Variants in NRXN3 observed in about 807,000 individuals in gnomAD.
NRXN3 encodes neurexin 3.
In NRXN3, 32 loss-of-function variants were observed where a neutral mutation model predicts 137.6. The ratio of observed to expected loss-of-function variants is 0.23; its 90% confidence interval spans 0.18 to 0.31. The LOEUF (loss-of-function observed/expected upper bound fraction) is 0.31, where lower values mean the gene tolerates loss of function less well. Among genes scored for constraint, NRXN3 ranks in the 10% least tolerant of loss-of-function variants. NRXN3 has a pLI of 1.00. For synonymous variants in NRXN3, 798 were observed against 784.5 expected (o/e 1.02, Z -0.29); for missense variants, 1,574 against 2,062.5 (o/e 0.76, Z 4.59).
At chr14:78,471,581 C>T (rs1172862602) in intron 4 of NRXN3, among the ~76,000 whole-genome samples, 1 of 152,124 alleles carries the variant, frequency 6.6e-6, no homozygotes, top group Non-Finnish European at 1.5e-5. Context: ...TACTGACCCT[C>T]CTGGGACTAT....
chr14:78,407,420 T>G (rs930601903), intron 4 of NRXN3, among the ~76,000 whole-genome samples: 1 of 152,206 alleles, frequency 6.6e-6, no homozygotes, highest in Admixed American at 6.5e-5. Context: ...AATTATTTTA[T>G]AGTCAAGCTT....
chr14:79,445,057 C>T (rs1335361644), intron 15 of NRXN3, among the ~76,000 whole-genome samples: 1 of 151,988 alleles, frequency 6.6e-6, no homozygotes, highest in Non-Finnish European at 1.5e-5. Context: ...CATGTATTCA[C>T]TCAGCTGGCA....
rs543816496 is a variant in NRXN3 at position 79,385,841 on chromosome 14, C to G, written c.3263-81380C>G. The stretch of plus-strand genomic sequence containing the variant: ...AATGTAACCCAGCATATAAACAGAA[C>G]CAAAGACAAAAACCACATGATTATC... On this transcript the variant is annotated intron_variant, in intron 15 of 20. Transcript: ENST00000335750. 2.0e-5 allele frequency among the ~76,000 whole-genome samples: 3 copies of G among 152,144 alleles called. No individual in the cohort carries two copies. In the South Asian group the frequency reaches 6.2e-4, roughly 32 times the overall value.
At chr14:79,534,685 A>G (rs2097196537) in intron 16 of NRXN3, among the ~76,000 whole-genome samples, 2 of 152,120 alleles carry the variant, frequency 1.3e-5, no homozygotes, top group African/African-American at 4.8e-5. Context: ...AAAACAAACC[A>G]GAAAAAAAAA....
At chr14:78,554,271 G>A (rs369625486) in intron 4 of NRXN3, among the ~76,000 whole-genome samples, 2 of 152,136 alleles carry the variant, frequency 1.3e-5, no homozygotes, top group Non-Finnish European at 2.9e-5. Flanking sequence ...TCAGCTTGGC[G>A]GTCACGACCA....
intron 4 of NRXN3, among the ~76,000 whole-genome samples, chr14:78,622,125 C>A (rs2097411623): frequency 6.6e-6 from 1 of 152,022 alleles, no homozygotes; most frequent in Non-Finnish European, 1.5e-5. Flanking sequence ...GGATCAATGC[C>A]CCATGGTACT....
intron 15 of NRXN3, among the ~76,000 whole-genome samples, chr14:79,052,296 G>A (rs1448656146): frequency 1.3e-5 from 2 of 152,178 alleles, no homozygotes; most frequent in Non-Finnish European, 2.9e-5. Context: ...TTAGTAGAGA[G>A]AGAAAATGAT....
In NRXN3 at chr14:78,916,996, C is replaced by T. The variant is rs375603903; in HGVS notation, c.2276-40246C>T. 8.5e-5 allele frequency among the ~76,000 whole-genome samples: 13 copies of T among 152,246 alleles called. No individual in the cohort carries two copies. The East Asian group carries it at 1.5e-3, about 18-fold the overall frequency. ...ACGCCAGTCATATTGGACTAGGGTC[C>T]GCCCTCATGCCATAATTTTAATTGA... On this transcript the variant is annotated intron_variant, in intron 10 of 20. Coordinates refer to ENST00000335750, the MANE Select transcript of NRXN3 (RefSeq NM_001330195.2).
intron 4 of NRXN3, among the ~76,000 whole-genome samples, chr14:78,628,747 C>G (rs1025213329): frequency 6.6e-6 from 1 of 152,216 alleles, no homozygotes; most frequent in East Asian, 1.9e-4. Flanking sequence ...TTAACTAGAG[C>G]TCTGTCACCT....
At chr14:78,373,208 T>G (rs186226628) in intron 4 of NRXN3, among the ~76,000 whole-genome samples, 1 of 152,330 alleles carries the variant, frequency 6.6e-6, no homozygotes, top group East Asian at 1.9e-4. Context: ...ATATGTGTGT[T>G]TCTCTGAAGT....
chr14:79,816,455 G>A (rs1568345493), intron 20 of NRXN3, among the ~76,000 whole-genome samples: 1 of 152,170 alleles, frequency 6.6e-6, no homozygotes, highest in Non-Finnish European at 1.5e-5. Context: ...AGCAAAATTA[G>A]AACTCCTGAT....
At chr14:78,228,157 C>CTTTTTTT (rs1156767557) in intron 1 of NRXN3, among the ~76,000 whole-genome samples, 1 of 130,490 alleles carries the variant, frequency 7.7e-6, no homozygotes, top group African/African-American at 2.8e-5. Flanking sequence ...AATTTTCTTT[C>CTTTTTTT]TTTTTTTTTT....
chr14:78,217,909 C>T (rs2063460221), intron 1 of NRXN3, among the ~76,000 whole-genome samples: 1 of 152,170 alleles, frequency 6.6e-6, no homozygotes, highest in Non-Finnish European at 1.5e-5. Context: ...AATCTGCTTG[C>T]CTTGGCCTAC....
At chr14:78,773,946 C>T (rs567560122) in intron 8 of NRXN3, among the ~76,000 whole-genome samples, 10 of 152,190 alleles carry the variant, frequency 6.6e-5, no homozygotes, top group South Asian at 4.2e-4. Context: ...GGATTACAGG[C>T]GCCCGCCACC....
intron 18 of NRXN3, 33 bp from the exon 19 acceptor site, chr14:79,697,597 G>T: frequency 6.3e-7 from 1 of 1,597,066 alleles, no homozygotes; most frequent in East Asian, 2.2e-5. Context: ...AAACGTATGA[G>T]AATAATAATG....
chr14:79,760,103 C>T (rs1198278131), intron 19 of NRXN3, among the ~76,000 whole-genome samples: 1 of 151,550 alleles, frequency 6.6e-6, no homozygotes, highest in Non-Finnish European at 1.5e-5. Flanking sequence ...AAATTTCCAA[C>T]TGAGTACATC....
In NRXN3 at chr14:79,366,980, CTTTTT is replaced by C. The variant is rs71131695; in HGVS notation, c.3263-100225_3263-100221del. ...AGAATTAAAAACTCAGTCCCTTAGT[CTTTTT>C]TTTTTTTTTTTTTTTGGAGATGGAG... On this transcript the variant is annotated intron_variant, in intron 15 of 20. Transcript: ENST00000335750. 2.0e-3 allele frequency among the ~76,000 whole-genome samples: 224 copies of C among 113,212 alleles called. 3 individuals are homozygous for C. In the Admixed American group the frequency reaches 0.021, roughly 11 times the overall value. 74.3% of individuals were successfully genotyped at this position (113,212 alleles called of 152,430 possible).
rs149503746 is a variant in NRXN3, at chr14:78,958,572, G to A, written c.2395+1211G>A. On this transcript the variant is annotated intron_variant, in intron 11 of 20. Transcript: ENST00000335750. ...GCGTTTCACCGTGTTAGCCAGGATG[G>A]TCTCCATCTCCTGACCTCCTGATCC... Among the ~76,000 whole-genome samples the A allele has an allele frequency of 0.023, 3,428 of 152,162 alleles. 409 individuals carry two copies. In the East Asian group the frequency reaches 0.37, roughly 16 times the overall value.
At chr14:79,049,339 C>A (rs2099638560) in intron 15 of NRXN3, among the ~76,000 whole-genome samples, 1 of 152,118 alleles carries the variant, frequency 6.6e-6, no homozygotes, top group African/African-American at 2.4e-5. Flanking sequence ...AAACCACTTT[C>A]TTTGCTTATC....
Sources: allele counts gnomAD v4.1 joint callset (sites outside exome capture counted in the v4.1 genomes callset), GRCh38; gene constraint gnomAD v4.1.1; transcripts MANE v1.5; gene names NCBI Gene and HGNC (gene_info 2026-07-23, HGNC 2026-07-21).